FTO: variants seen among roughly 807,000 people sequenced by gnomAD.
The protein encoded by FTO is alpha-ketoglutarate-dependent dioxygenase FTO.
FTO carries 47 observed loss-of-function variants against 63.9 expected under a neutral mutation model. The ratio of observed to expected loss-of-function variants is 0.74; its 90% CI spans 0.58 to 0.94. The LOEUF (loss-of-function observed/expected upper bound fraction) is 0.94, where lower values mean the gene tolerates loss of function less well. Among genes scored for constraint, FTO ranks in the 40% least tolerant of loss-of-function variants. FTO has a pLI of 0.00. For missense variants in FTO, 562 were observed against 618.1 expected, an observed-to-expected ratio of 0.91 and a Z score of 0.96; for synonymous variants, 207 against 224.4, an observed-to-expected ratio of 0.92 and a Z score of 0.69.
chr16:54,069,964 T>C (rs2085826815), intron 8 of FTO: 1 of 152,234 alleles, frequency 6.6e-6, no homozygotes, highest in African/African-American at 2.4e-5. Flanking sequence ...AGCAGGTTAC[T>C]TAACTTTCTC....
At chr16:53,992,155 C>T (rs1250777839) in intron 8 of FTO, 1 of 152,262 alleles carries the variant, frequency 6.6e-6, no homozygotes, top group East Asian at 1.9e-4. Context: ...CTCCCCTCTC[C>T]TCCCAACCCC....
At chr16:53,771,445 G>A (rs1044622633) in intron 1 of FTO, among the ~76,000 whole-genome samples, 18 of 151,738 alleles carry the variant, frequency 1.2e-4, no homozygotes, top group African/African-American at 4.3e-4. Flanking sequence ...CTGGATCATC[G>A]CAATTTCTTC....
At chr16:54,032,105 G>T (rs1278993239) in intron 8 of FTO, among the ~76,000 whole-genome samples, 1 of 152,236 alleles carries the variant, frequency 6.6e-6, no homozygotes, top group African/African-American at 2.4e-5. Flanking sequence ...ATTACAGGCA[G>T]ATTAGTCTAG....
intron 8 of FTO, among the ~76,000 whole-genome samples, chr16:54,003,935 G>A (rs1315690379): frequency 1.3e-5 from 2 of 152,134 alleles, no homozygotes; most frequent in African/African-American, 4.8e-5. Context: ...ACAGAGAACA[G>A]TACTCTCTGT....
At chr16:53,867,690 C>G (rs1381744492) in intron 4 of FTO, among the ~76,000 whole-genome samples, 1 of 151,990 alleles carries the variant, frequency 6.6e-6, no homozygotes, top group Non-Finnish European at 1.5e-5. Flanking sequence ...ATGAAATAGT[C>G]TATGTATGTC....
At chr16:54,029,288 G>A (rs1194982206) in intron 8 of FTO, among the ~76,000 whole-genome samples, 2 of 152,194 alleles carry the variant, frequency 1.3e-5, no homozygotes, top group Admixed American at 1.3e-4. Flanking sequence ...ATTTAGACAA[G>A]GGATAGTTGA....
chr16:53,734,566 G>A (rs538946618), intron 1 of FTO, among the ~76,000 whole-genome samples: 1 of 152,334 alleles, frequency 6.6e-6, no homozygotes, highest in East Asian at 1.9e-4. Context: ...AATGTTGGCT[G>A]CAAGTAACAG....
intron 3 of FTO, among the ~76,000 whole-genome samples, chr16:53,843,879 G>A (rs953553323): frequency 1.3e-5 from 2 of 151,602 alleles, no homozygotes; most frequent in Non-Finnish European, 2.9e-5. Context: ...TTGAATGCCC[G>A]ACTTTAAGTG....
chr16:53,861,336 A>T (rs575636197), intron 4 of FTO, among the ~76,000 whole-genome samples: 12 of 152,318 alleles, frequency 7.9e-5, no homozygotes, highest in African/African-American at 2.9e-4. Flanking sequence ...CCTACTGTAT[A>T]CAGTGCTAAG....
chr16:54,022,149 A>T (rs1366524770), intron 8 of FTO, among the ~76,000 whole-genome samples: 1 of 152,190 alleles, frequency 6.6e-6, no homozygotes, highest in African/African-American at 2.4e-5. Flanking sequence ...AAACAAAAAG[A>T]AATGTCTGAT....
chr16:53,947,573 G>T (rs567899457), intron 8 of FTO, among the ~76,000 whole-genome samples: 2 of 152,190 alleles, frequency 1.3e-5, no homozygotes, highest in Non-Finnish European at 2.9e-5. Context: ...CATTTTATTT[G>T]TGGTGGTGAT....
chr16:53,876,785 G>A (rs1274138960), intron 5 of FTO, among the ~76,000 whole-genome samples: 1 of 152,144 alleles, frequency 6.6e-6, no homozygotes, highest in Non-Finnish European at 1.5e-5. Flanking sequence ...AAATTAGCCA[G>A]GTGTGGTGCC....
intron 1 of FTO, among the ~76,000 whole-genome samples, chr16:53,717,808 CTTTT>C: frequency 6.6e-6 from 1 of 152,046 alleles, no homozygotes; most frequent in Non-Finnish European, 1.5e-5. Flanking sequence ...ATTGACTTAT[CTTTT>C]ACGTACTGAT....
At chr16:54,105,417 A>T (rs1232686035) in intron 8 of FTO, among the ~76,000 whole-genome samples, 1 of 152,226 alleles carries the variant, frequency 6.6e-6, no homozygotes, top group East Asian at 1.9e-4. Flanking sequence ...TCCAAATGGA[A>T]ATCCATGAAA....
At chr16:54,059,854 T>G (rs2085528138) in intron 8 of FTO, among the ~76,000 whole-genome samples, 1 of 152,230 alleles carries the variant, frequency 6.6e-6, no homozygotes, top group South Asian at 2.1e-4. Context: ...ATCGGGCTTT[T>G]GGTGGACATG....
chr16:53,909,911 T>C (rs1170220854), intron 7 of FTO, among the ~76,000 whole-genome samples: 1 of 152,024 alleles, frequency 6.6e-6, no homozygotes. Flanking sequence ...AGGATCTTGC[T>C]CTGTCATTTA....
At chr16:54,099,942 G>A (rs1341448628) in intron 8 of FTO, among the ~76,000 whole-genome samples, 3 of 152,134 alleles carry the variant, frequency 2.0e-5, no homozygotes, top group Non-Finnish European at 2.9e-5. Flanking sequence ...TGGACCCAAA[G>A]ACACGTATGT....
At chr16:54,010,456 T>C (rs184612194) in intron 8 of FTO, among the ~76,000 whole-genome samples, 6 of 152,136 alleles carry the variant, frequency 3.9e-5, no homozygotes, top group Admixed American at 1.3e-4. Flanking sequence ...TCTCCCATCC[T>C]AACTCTTCAT....
intron 8 of FTO, among the ~76,000 whole-genome samples, chr16:54,004,957 C>G (rs576155015): frequency 1.3e-5 from 2 of 151,230 alleles, no homozygotes; most frequent in East Asian, 3.9e-4. Context: ...GTAGTCGCAG[C>G]TACTTGGGAG....
Sources: gnomAD v4.1 joint callset for allele counts (sites outside exome capture counted in the v4.1 genomes callset) on GRCh38, gnomAD v4.1.1 for gene constraint, MANE v1.5 for transcripts, NCBI Gene and HGNC (gene_info 2026-07-23, HGNC 2026-07-21) for gene names.